Variants in TENM2 observed in about 807,000 individuals in gnomAD.
TENM2 encodes the protein teneurin transmembrane protein 2.
Under a neutral mutation model 245.2 loss-of-function variants are expected in TENM2, and 52 were observed. The ratio of observed to expected loss-of-function variants is 0.21; its 90% CI spans 0.17 to 0.27. TENM2 has a LOEUF of 0.27. TENM2 is among the 10% of genes least tolerant of loss of function. TENM2 has a pLI of 1.00. For missense variants in TENM2, 3,046 were observed against 3,666.8 expected (o/e 0.83, Z 4.37); for synonymous variants, 1,363 against 1,438.9 (o/e 0.95, Z 1.19).
the TENM2 span, among the ~76,000 whole-genome samples, chr5:167,219,374 C>A: frequency 2.6e-5 from 4 of 152,106 alleles, no homozygotes; most frequent in African/African-American, 9.6e-5. Context: ...ACGTGGATAC[C>A]CCTATGTTAA....
chr5:167,936,380 A>G (rs1249217750), intron 3 of TENM2, among the ~76,000 whole-genome samples: 1 of 152,240 alleles, frequency 6.6e-6, no homozygotes, highest in African/African-American at 2.4e-5. Context: ...TACAAAAACG[A>G]TTAACGATAT....
chr5:167,508,274 A>G (rs2127565518), intron 2 of TENM2, among the ~76,000 whole-genome samples: 1 of 152,290 alleles, frequency 6.6e-6, no homozygotes, highest in African/African-American at 2.4e-5. Context: ...TCTCCGTTTA[A>G]TGGAAAAAGG....
At chr5:167,249,018 C>G in the TENM2 span, among the ~76,000 whole-genome samples, 1 of 152,116 alleles carries the variant, frequency 6.6e-6, no homozygotes, top group African/African-American at 2.4e-5. Flanking sequence ...ATCTGCATAT[C>G]TCTGTAATTA....
chr5:167,084,544 C>T, the TENM2 span, among the ~76,000 whole-genome samples: 2 of 151,452 alleles, frequency 1.3e-5, no homozygotes, highest in African/African-American at 4.8e-5. Flanking sequence ...AAGGATTAAA[C>T]ATACATTATC....
chr5:167,209,255 GC>G, the TENM2 span, among the ~76,000 whole-genome samples: 319 of 151,812 alleles, frequency 2.1e-3, 2 homozygotes, highest in Non-Finnish European at 3.7e-3. Context: ...TTAAAAGTTA[GC>G]TATTTTTAGT....
chr5:167,929,806 A>G (rs183113553), intron 3 of TENM2, among the ~76,000 whole-genome samples: 149 of 152,342 alleles, frequency 9.8e-4, no homozygotes, highest in Admixed American at 8.4e-3. Context: ...ATGAGCCACA[A>G]GCAAAAATAG....
chr5:167,052,459 C>T, the TENM2 span, among the ~76,000 whole-genome samples: 8 of 152,224 alleles, frequency 5.3e-5, no homozygotes, highest in Non-Finnish European at 1.0e-4. Flanking sequence ...TAACATTGTT[C>T]CACATACAGA....
intron 12 of TENM2, among the ~76,000 whole-genome samples, chr5:168,155,740 A>G (rs191505540): frequency 1.3e-5 from 2 of 152,232 alleles, no homozygotes; most frequent in African/African-American, 4.8e-5. Context: ...CTATGTGCTA[A>G]AGGGAAAGCT....
intron 2 of TENM2, among the ~76,000 whole-genome samples, chr5:167,865,519 C>T (rs1462102442): frequency 6.6e-6 from 1 of 152,134 alleles, no homozygotes; most frequent in Non-Finnish European, 1.5e-5. Flanking sequence ...AGTGATCCTC[C>T]TGCCTTGGCC....
intron 5 of TENM2, among the ~76,000 whole-genome samples, chr5:168,011,005 A>G (rs1785178344): frequency 1.3e-5 from 2 of 152,214 alleles, no homozygotes; most frequent in African/African-American, 4.8e-5. Flanking sequence ...CAGAATATCA[A>G]ACATTTTGCC....
chr5:167,994,927 C>T (rs1783939803), intron 5 of TENM2, among the ~76,000 whole-genome samples: 1 of 152,176 alleles, frequency 6.6e-6, no homozygotes, highest in African/African-American at 2.4e-5. Flanking sequence ...TGTGCTTCTG[C>T]AGGTGGCTGT....
chr5:168,263,817 A>G (rs1042745398), downstream of TENM2: 2 of 152,772 alleles, frequency 1.3e-5, no homozygotes, highest in Admixed American at 6.5e-5. Flanking sequence ...CTGTACATAC[A>G]TGAGCCGAAA....
the TENM2 span, among the ~76,000 whole-genome samples, chr5:167,261,167 A>G: frequency 6.6e-6 from 1 of 152,102 alleles, no homozygotes; most frequent in South Asian, 2.1e-4. Flanking sequence ...GTCTACTTTA[A>G]CACAATCCCC....
intron 2 of TENM2, among the ~76,000 whole-genome samples, chr5:167,836,552 AAAT>A (rs1769009023): frequency 6.6e-6 from 1 of 152,208 alleles, no homozygotes. Context: ...CCTGACAAAA[AAAT>A]AATAAATAGA....
intron 1 of TENM2, among the ~76,000 whole-genome samples, chr5:167,319,263 T>C (rs1343877412): frequency 6.6e-6 from 1 of 152,218 alleles, no homozygotes; most frequent in Non-Finnish European, 1.5e-5. Flanking sequence ...TTTAGTTATA[T>C]GACCTTGAGC....
chr5:167,857,782 A>G (rs1037763810), intron 2 of TENM2, among the ~76,000 whole-genome samples: 3 of 152,128 alleles, frequency 2.0e-5, no homozygotes, highest in Non-Finnish European at 4.4e-5. Flanking sequence ...CATTTATATC[A>G]TTTTCTATGA....
intron 2 of TENM2, among the ~76,000 whole-genome samples, chr5:167,728,496 A>G (rs1040479134): frequency 1.4e-3 from 161 of 114,408 alleles, no homozygotes; most frequent in African/African-American, 6.4e-3. Context: ...TATGGTCCCA[A>G]CTACTCAGGA....
chr5:167,174,359 C>G, the TENM2 span, among the ~76,000 whole-genome samples: 1 of 152,164 alleles, frequency 6.6e-6, no homozygotes, highest in Non-Finnish European at 1.5e-5. Context: ...AATACCTTCT[C>G]TTATGTGGCA....
the TENM2 span, among the ~76,000 whole-genome samples, chr5:167,067,423 A>G: frequency 6.6e-6 from 1 of 152,186 alleles, no homozygotes; most frequent in Non-Finnish European, 1.5e-5. Context: ...GAAGCCACGT[A>G]TTCTGAGCAA....
Sources: gnomAD v4.1 joint callset for allele counts (sites outside exome capture counted in the v4.1 genomes callset) on GRCh38, gnomAD v4.1.1 for gene constraint, MANE v1.5 for transcripts, NCBI Gene and HGNC (gene_info 2026-07-23, HGNC 2026-07-21) for gene names.